The following ZNF385B variants were observed in gnomAD, a reference collection of about 807,000 sequenced individuals.
ZNF385B encodes zinc finger protein 533.
ZNF385B carries 23 observed loss-of-function variants against 39.2 expected under a neutral mutation model. That is an observed-to-expected ratio of 0.59 (90% CI 0.42 to 0.83). The LOEUF (loss-of-function observed/expected upper bound fraction) is 0.83. Ranked by LOEUF, ZNF385B falls within the 40% of genes least tolerant of loss-of-function variation. The pLI is 0.00. For missense variants in ZNF385B, 552 were observed against 598.9 expected (o/e 0.92, Z 0.82); for synonymous variants, 205 against 222.6 (o/e 0.92, Z 0.70).
At chr2:179,685,428 A>C (rs1266989312) in intron 3 of ZNF385B, among the ~76,000 whole-genome samples, 1 of 152,204 alleles carries the variant, frequency 6.6e-6, no homozygotes, top group Admixed American at 6.5e-5. Context: ...AAAAGGCCAA[A>C]GGAATTGAGG....
At chr2:179,572,921 T>C (rs959407874) in intron 3 of ZNF385B, among the ~76,000 whole-genome samples, 1 of 152,218 alleles carries the variant, frequency 6.6e-6, no homozygotes, top group African/African-American at 2.4e-5. Flanking sequence ...CTCTCATTTA[T>C]AATTCCTCTG....
chr2:179,797,320 AATG>A (rs1439216527), intron 1 of ZNF385B, among the ~76,000 whole-genome samples: 5 of 152,202 alleles, frequency 3.3e-5, no homozygotes, highest in Non-Finnish European at 5.9e-5. Context: ...GCAAACCAAG[AATG>A]ATATCATTTT....
chr2:179,726,518 C>T (rs747779223), intron 3 of ZNF385B, among the ~76,000 whole-genome samples: 10 of 152,004 alleles, frequency 6.6e-5, no homozygotes, highest in African/African-American at 9.7e-5. Flanking sequence ...ATTTTTCATA[C>T]GGTAAATGTG....
At chr2:179,635,527 T>TATA (rs895450060) in intron 3 of ZNF385B, among the ~76,000 whole-genome samples, 4 of 151,880 alleles carry the variant, frequency 2.6e-5, no homozygotes, top group Admixed American at 6.6e-5. Flanking sequence ...GAACTTAAAG[T>TATA]ATAATAATAA....
intron 4 of ZNF385B, among the ~76,000 whole-genome samples, chr2:179,533,405 G>A (rs1280818272): frequency 6.6e-6 from 1 of 152,072 alleles, no homozygotes; most frequent in Admixed American, 6.6e-5. Context: ...TTTTATTTAG[G>A]CTGATATTTG....
At chr2:179,709,459 A>G (rs1341702809) in intron 3 of ZNF385B, among the ~76,000 whole-genome samples, 1 of 152,186 alleles carries the variant, frequency 6.6e-6, no homozygotes, top group Non-Finnish European at 1.5e-5. Flanking sequence ...ATGGAAGGAC[A>G]TTCCCCATTA....
chr2:179,515,328 G>T (rs12373741), intron 5 of ZNF385B, among the ~76,000 whole-genome samples: 123,846 of 152,106 alleles, frequency 0.81, 50,786 homozygotes, highest in East Asian at 0.92. Flanking sequence ...TTCATAAAAT[G>T]GTGCATCTTT....
chr2:179,752,058 T>C (rs911637164), intron 3 of ZNF385B, among the ~76,000 whole-genome samples: 3 of 152,174 alleles, frequency 2.0e-5, no homozygotes, highest in Admixed American at 2.0e-4. Flanking sequence ...TTACATTAGG[T>C]ATATCTCCTA....
intron 3 of ZNF385B, among the ~76,000 whole-genome samples, chr2:179,706,892 G>A (rs992846891): frequency 6.6e-6 from 1 of 152,186 alleles, no homozygotes; most frequent in Non-Finnish European, 1.5e-5. Context: ...ATGACAAAAT[G>A]GAGACCCTGG....
intron 3 of ZNF385B, among the ~76,000 whole-genome samples, chr2:179,592,065 A>G (rs148812036): frequency 6.6e-4 from 100 of 152,338 alleles, no homozygotes; most frequent in African/African-American, 2.2e-3. Flanking sequence ...AAGTTACACC[A>G]CTAAACCTGC....
intron 5 of ZNF385B, among the ~76,000 whole-genome samples, chr2:179,502,849 C>G (rs2056888290): frequency 6.6e-6 from 1 of 152,174 alleles, no homozygotes; most frequent in Admixed American, 6.5e-5. Context: ...TTTATCTACT[C>G]AAGCTGATTC....
At chr2:179,582,942 T>C (rs1489097044) in intron 3 of ZNF385B, among the ~76,000 whole-genome samples, 1 of 152,148 alleles carries the variant, frequency 6.6e-6, no homozygotes, top group Non-Finnish European at 1.5e-5. Flanking sequence ...CTCTGCCTCC[T>C]GGGTTCAAGC....
intron 3 of ZNF385B, among the ~76,000 whole-genome samples, chr2:179,741,913 G>C (rs527346017): frequency 6.6e-6 from 1 of 151,914 alleles, no homozygotes; most frequent in Non-Finnish European, 1.5e-5. Context: ...TTAAATAAAG[G>C]CCAGATGAAC....
At chr2:179,559,756 G>T (rs2061202966) in intron 3 of ZNF385B, among the ~76,000 whole-genome samples, 1 of 151,800 alleles carries the variant, frequency 6.6e-6, no homozygotes, top group South Asian at 2.1e-4. Flanking sequence ...ATCTCACATG[G>T]TTACTTGTGT....
At chr2:179,853,968 G>A (rs973335843) in intron 1 of ZNF385B, among the ~76,000 whole-genome samples, 4 of 152,130 alleles carry the variant, frequency 2.6e-5, no homozygotes, top group African/African-American at 9.7e-5. Context: ...CACGTGCAGG[G>A]ACTAAGATGT....
chr2:179,658,117 T>TA (rs1694003142), intron 3 of ZNF385B, among the ~76,000 whole-genome samples: 1 of 152,228 alleles, frequency 6.6e-6, no homozygotes, highest in African/African-American at 2.4e-5. Context: ...GGATCCCTTT[T>TA]AAAAAATATG....
In ZNF385B at chr2:179,713,698, A is replaced by G. The variant is rs111751301; in HGVS notation, c.298+55805T>C. 2.7e-3 allele frequency among the ~76,000 whole-genome samples: 411 copies of G among 152,310 alleles called. 3 individuals are homozygous for G. Among genetic ancestry groups the G allele is most frequent in the African/African-American group, 9.5e-3 (393 of 41,552 alleles). On this transcript the variant is annotated intron_variant, in intron 3 of 9. Coordinates refer to ENST00000410066, the MANE Select transcript of ZNF385B (RefSeq NM_152520.6). Reference sequence around the variant, plus strand: ...CGCCTAACATAAGGCTTGGCACAAAATAGGTTCTTAATAAGTATTAATGAT... The same window carrying G: ...CGCCTAACATAAGGCTTGGCACAAAGTAGGTTCTTAATAAGTATTAATGAT...
chr2:179,564,998 G>C (rs1684393103), intron 3 of ZNF385B, among the ~76,000 whole-genome samples: 1 of 152,140 alleles, frequency 6.6e-6, no homozygotes. Flanking sequence ...AATCCAGTTA[G>C]TAAGCTTTAT....
At chr2:179,552,279 C>A (rs916339073) in intron 3 of ZNF385B, among the ~76,000 whole-genome samples, 1 of 148,960 alleles carries the variant, frequency 6.7e-6, no homozygotes, top group Non-Finnish European at 1.5e-5. Context: ...AAAACAGAAG[C>A]AAAGAAAACA....
Sources: gnomAD v4.1 joint callset for allele counts (sites outside exome capture counted in the v4.1 genomes callset) on GRCh38, gnomAD v4.1.1 for gene constraint, MANE v1.5 for transcripts, NCBI Gene and HGNC (gene_info 2026-07-23, HGNC 2026-07-21) for gene names.